CDK5RAP3: variants seen among roughly 807,000 people sequenced by gnomAD.
CDK5RAP3 encodes the protein CDK5 regulatory subunit-associated protein 3.
A neutral mutation model predicts 73.3 loss-of-function variants in CDK5RAP3; 58 were observed. The observed-to-expected ratio is 0.79, with a 90% CI of 0.64 to 0.98. The LOEUF (loss-of-function observed/expected upper bound fraction) is 0.98, where lower values mean the gene tolerates loss of function less well. Ranked by LOEUF, CDK5RAP3 falls within the 50% of genes least tolerant of loss-of-function variation. CDK5RAP3 has a pLI of 0.00. For synonymous variants in CDK5RAP3, 224 were observed against 247.5 expected (o/e 0.91, Z 0.89); for missense variants, 525 against 615.8 (o/e 0.85, Z 1.56).
chr17:47,970,922 T>C (rs953940689), upstream of CDK5RAP3: 9 of 1,449,836 alleles, frequency 6.2e-6, no homozygotes, highest in African/African-American at 1.3e-4. Flanking sequence ...TCCAATTGGC[T>C]GTCTCCATTC....
At chr17:47,980,521 C>A in intron 11 of CDK5RAP3, 72 bp from the exon 12 acceptor site, 1 of 1,389,098 alleles carries the variant, frequency 7.2e-7, no homozygotes, top group Non-Finnish European at 1.0e-6. Context: ...CCTGCCTTGG[C>A]CTCCCACAGT....
chr17:47,980,157 A>G (rs2036517533), intron 11 of CDK5RAP3: 1 of 214,768 alleles, frequency 4.7e-6, no homozygotes, highest in African/African-American at 2.3e-5. Flanking sequence ...CAGTGTTCAG[A>G]GGAAACTCCT....
upstream of CDK5RAP3, chr17:47,970,488 C>T (rs192184432): frequency 1.8e-4 from 112 of 636,528 alleles, 1 homozygote; most frequent in East Asian, 1.6e-3. Flanking sequence ...ACCTAAAACT[C>T]CTCTTCCCAC....
At chr17:47,980,971 A>G (rs2036539411) in intron 12 of CDK5RAP3, 173 bp downstream of exon 12, 7 of 852,976 alleles carry the variant, frequency 8.2e-6, no homozygotes, top group South Asian at 1.7e-5. Flanking sequence ...ATATACAGGA[A>G]GAATCTGCTT....
rs1056062359 is a variant in CDK5RAP3, at chr17:47,975,644, T to C, written c.644T>C (p.Val215Ala). The change falls in exon 7 of 14, where the codon GTG (valine) becomes GCG (alanine). Residue 215 changes from valine to alanine, a missense_variant. Coordinates refer to ENST00000338399, the MANE Select transcript of CDK5RAP3 (RefSeq NM_176096.3). ...IDVYQASVGF[V>A]CESPTEQVLP... ...GTGTACCAGGCGTCTGTGGGGTTTG[T>C]GTGTGAGAGGTAGAGAGGCCTCAGC... 6.2e-7 allele frequency: 1 copy of C among 1,600,650 alleles called. No homozygotes were observed. The highest frequency in any genetic ancestry group is 1.1e-5 in the South Asian group (1 of 90,876).
upstream of CDK5RAP3, chr17:47,970,924 T>A: frequency 1.4e-6 from 2 of 1,449,390 alleles, no homozygotes; most frequent in South Asian, 1.4e-5. Flanking sequence ...CAATTGGCTG[T>A]CTCCATTCTC....
rs768524625 is a variant in CDK5RAP3, at chr17:47,981,513, G to A, written c.*11G>A. The A allele has an allele frequency of 3.1e-6, 5 of 1,614,126 alleles. No individual in the cohort carries two copies. The African/African-American group carries it at 5.3e-5, about 17-fold the overall frequency. ...GGAACCTCTCTGTGACACCCTCCGTGTTCTTGCCTGCCCATCTTCTCCGCT... is the reference window on the plus strand; with the variant it reads ...GGAACCTCTCTGTGACACCCTCCGTATTCTTGCCTGCCCATCTTCTCCGCT... On this transcript the variant is annotated 3_prime_UTR_variant, in exon 14 of 14. Transcript: ENST00000338399.
chr17:47,969,134 C>T (rs2036216683), upstream of CDK5RAP3, among the ~76,000 whole-genome samples: 1 of 152,170 alleles, frequency 6.6e-6, no homozygotes, highest in Non-Finnish European at 1.5e-5. Context: ...TAGAAATGGT[C>T]CAAGACCTCA....
At chr17:47,975,733 TC>T (rs1356074428) in intron 7 of CDK5RAP3, 80 bp downstream of exon 7, 7 of 1,566,832 alleles carry the variant, frequency 4.5e-6, no homozygotes, top group Non-Finnish European at 6.0e-6. Flanking sequence ...GTTGTCTTGT[TC>T]CCATATAACA....
intron 10 of CDK5RAP3, 122 bp from the exon 11 acceptor site, chr17:47,978,707 C>G (rs2036481269): frequency 2.8e-6 from 2 of 713,052 alleles, no homozygotes; most frequent in African/African-American, 3.5e-5. Context: ...TGGATTAGAA[C>G]AAGAAGTGGC....
chr17:47,980,642 A>T lies in CDK5RAP3; in HGVS notation c.1127A>T (p.Asp376Val). The T allele has an allele frequency of 6.2e-7, 1 of 1,613,880 alleles. No homozygotes were observed. Among genetic ancestry groups the T allele is most frequent in the Non-Finnish European group, 8.5e-7 (1 of 1,180,022 alleles). ...GCAGTGGAGTTGAGTGAGGAGGCAG[A>T]TGTCCTGTCTGTGAGCCAGTTCCAG... ...QRAVELSEEA[D>V]VLSVSQFQLA... The change falls in exon 12 of 14, where the codon GAT (aspartate) becomes GTT (valine). Residue 376 changes from aspartate (D) to valine (V), a missense_variant. This residue lies in a region of CDK5RAP3 where 116 missense variants were observed against 186.1 expected (regional missense o/e 0.62). Transcript: ENST00000338399.
At chr17:47,970,447 C>T, upstream of CDK5RAP3, 1 of 542,854 alleles carries the variant, frequency 1.8e-6, no homozygotes, top group Admixed American at 3.2e-5. Context: ...CAGTTTGTGG[C>T]CACCTAAGCT....
At chr17:47,978,234 T>C (rs2036465384) in intron 10 of CDK5RAP3, among the ~76,000 whole-genome samples, 1 of 151,930 alleles carries the variant, frequency 6.6e-6, no homozygotes, top group Admixed American at 6.6e-5. Context: ...CACGCACAGC[T>C]AATTTTATAT....
intron 11 of CDK5RAP3, chr17:47,979,215 TAAATA>T (rs1264643603): frequency 3.5e-6 from 1 of 287,856 alleles, no homozygotes; most frequent in Non-Finnish European, 6.5e-6. Flanking sequence ...AGAAGATAAA[TAAATA>T]AAATATGCAG....
At position 47,971,230 on chromosome 17, in the gene CDK5RAP3, G is replaced by C. The variant is rs1325228601; in HGVS notation, c.6+78G>C. 2.0e-6 allele frequency: 3 copies of C among 1,528,210 alleles called. No homozygotes were observed. In the African/African-American group the frequency reaches 4.1e-5, roughly 21 times the overall value. 94.7% of individuals were successfully genotyped at this position (1,528,210 alleles called of 1,614,324 possible). On this transcript the variant is annotated intron_variant, in intron 1 of 13. Coordinates refer to ENST00000338399, the MANE Select transcript of CDK5RAP3 (RefSeq NM_176096.3). ...GTGTCTCCGGTCTCCCTCCGGAAGC[G>C]GCTCAACCCAGCCCATCGCTCTGGC... is the stretch of plus-strand genomic sequence containing the variant.
At chr17:47,970,859 C>A, upstream of CDK5RAP3, 3 of 1,414,488 alleles carry the variant, frequency 2.1e-6, no homozygotes, top group Non-Finnish European at 2.8e-6. Context: ...CGCAATCCCA[C>A]GGCCGCTGCA....
chr17:47,981,315 C>T lies in CDK5RAP3; in HGVS notation c.1436C>T (p.Thr479Ile). 1 of 1,614,188 alleles carries T rather than the reference C, an allele frequency of 6.2e-7. No individual in the cohort carries two copies. Among genetic ancestry groups the T allele is most frequent in the Non-Finnish European group, 8.5e-7 (1 of 1,180,006 alleles). ...AAGCTGGACCTGCTACTGGAGAAGA[C>T]CAAGGAGCTGCAGAAGCTGGTGAGA... ...EPKLDLLLEK[T>I]KELQKLIEAD... The change falls in exon 13 of 14, where the codon ACC (threonine) becomes ATC (isoleucine). Residue 479 changes from threonine (T) to isoleucine (I), a missense_variant. By Grantham distance (89) the Thr-to-Ile change is moderately conservative. Transcript: ENST00000338399.
upstream of CDK5RAP3, chr17:47,970,544 T>TAGA: frequency 7.0e-6 from 6 of 859,958 alleles, no homozygotes; most frequent in South Asian, 2.9e-5. Context: ...AATGTAGGTG[T>TAGA]TCTCTTTGGG....
intron 8 of CDK5RAP3, 197 bp from the exon 9 acceptor site, chr17:47,976,515 A>T: frequency 2.1e-6 from 1 of 479,680 alleles, no homozygotes. Context: ...TTGCACCACC[A>T]CTCCTAGCTA....
Sources: allele counts gnomAD v4.1 joint callset (sites outside exome capture counted in the v4.1 genomes callset), GRCh38; gene constraint gnomAD v4.1.1; regional missense constraint gnomAD v4.1.1; transcripts MANE v1.5; gene names NCBI Gene and HGNC (gene_info 2026-07-23, HGNC 2026-07-21).